KYAT1: variants seen among roughly 807,000 people sequenced by gnomAD.
KYAT1 encodes kynurenine aminotransferase 1.
Under a neutral mutation model 52.4 loss-of-function variants are expected in KYAT1, and 47 were observed. That is an observed-to-expected ratio of 0.90 (90% CI 0.71 to 1.14). KYAT1 has a LOEUF of 1.14. Among genes scored for constraint, KYAT1 ranks in the 50% most tolerant of loss-of-function variants. The probability of loss-of-function intolerance (pLI) is 0.00; values close to 1 mark genes in which losing one functional copy is unlikely to be tolerated. For synonymous variants in KYAT1, 212 were observed against 209.6 expected, an observed-to-expected ratio of 1.01 and a Z score of -0.10; for missense variants, 480 against 557.9, an observed-to-expected ratio of 0.86 and a Z score of 1.41.
intron 1 of KYAT1, 173 bp from the exon 2 acceptor site, chr9:128,845,584 G>GT: frequency 1.6e-6 from 1 of 625,536 alleles, no homozygotes; most frequent in South Asian, 1.8e-5. Context: ...TCCCAAGCCT[G>GT]TTATGCTCCA....
At chr9:128,880,327 G>A (rs565132355) in intron 1 of KYAT1, among the ~76,000 whole-genome samples, 3 of 152,252 alleles carry the variant, frequency 2.0e-5, no homozygotes, top group Non-Finnish European at 4.4e-5. Context: ...GCCCCAAGAC[G>A]GGTGTTGCGT....
intron 1 of KYAT1, among the ~76,000 whole-genome samples, chr9:128,850,467 G>A (rs184374155): frequency 1.3e-5 from 2 of 152,112 alleles, no homozygotes; most frequent in African/African-American, 2.4e-5. Flanking sequence ...TTAACAAAAT[G>A]TTTACAAGCA....
At chr9:128,864,482 T>C (rs74768515) in intron 1 of KYAT1, among the ~76,000 whole-genome samples, 7,304 of 152,144 alleles carry the variant, frequency 0.048, 199 homozygotes, top group African/African-American at 0.077. Context: ...TGTTTTCATC[T>C]TGTAAAACTG....
chr9:128,840,361 C>T (rs1215008310), intron 3 of KYAT1, among the ~76,000 whole-genome samples: 4 of 152,138 alleles, frequency 2.6e-5, no homozygotes, highest in Admixed American at 6.6e-5. Context: ...CGGGTTCAAG[C>T]GATTCTTGTG....
intron 1 of KYAT1, among the ~76,000 whole-genome samples, chr9:128,848,992 G>A (rs535167522): frequency 1.3e-3 from 202 of 151,906 alleles, no homozygotes; most frequent in Non-Finnish European, 1.8e-3. Context: ...GCACATGACT[G>A]TAGTCCCAGC....
chr9:128,835,493 T>C lies in KYAT1; in HGVS notation c.1030A>G (p.Ile344Val). ...AAGTCTCACTCACTGAAGTCTGAGA[T>C]GTCTGTGATGAGGAAGTAGCTGCCC... ...PQGSYFLITD[I>V]SDFKRKMPDL... is the part of the protein sequence containing the mutation. Residue 344 changes from isoleucine (I) to valine (V), a missense_variant, in exon 10 of 13, where the codon ATC (isoleucine) becomes GTC (valine). Transcript: ENST00000302586. The C allele has an allele frequency of 6.2e-7, 1 of 1,613,860 alleles. No homozygotes were observed. Among genetic ancestry groups the C allele is most frequent in the Non-Finnish European group, 8.5e-7 (1 of 1,180,012 alleles).
rs60213620 is a variant in KYAT1, at chr9:128,875,356, G to A, written c.-7+6541C>T. Among the ~76,000 whole-genome samples the A allele has an allele frequency of 3.0e-3, 452 of 150,206 alleles. 3 individuals are homozygous for A. Among genetic ancestry groups the A allele is most frequent in the African/African-American group, 0.01 (426 of 40,812 alleles). ...CTCACTGGCGTGGTGGCTCACGCCT[G>A]TAATCCCAGCACTTTGGGAGGCCGA... On this transcript the variant is annotated intron_variant, in intron 1 of 12. Transcript: ENST00000302586.
chr9:128,847,651 TAACAACAAC>T (rs3834884), intron 1 of KYAT1: 67 of 554,580 alleles, frequency 1.2e-4, no homozygotes, highest in East Asian at 1.2e-3. Flanking sequence ...GCTCTAACAA[TAACAACAAC>T]AACAACAACA....
chr9:128,851,045 A>G (rs202231013), intron 1 of KYAT1, among the ~76,000 whole-genome samples: 1 of 152,208 alleles, frequency 6.6e-6, no homozygotes, highest in Non-Finnish European at 1.5e-5. Flanking sequence ...CTGAGATAAT[A>G]AAAATAATAA....
At chr9:128,876,815 C>T (rs2130847366) in intron 1 of KYAT1, among the ~76,000 whole-genome samples, 1 of 151,738 alleles carries the variant, frequency 6.6e-6, no homozygotes, top group Non-Finnish European at 1.5e-5. Flanking sequence ...CAACCCCCAC[C>T]TGCCGGGTTC....
At chr9:128,866,626 GTCGCCGGGC>G (rs1408323877) in intron 1 of KYAT1, among the ~76,000 whole-genome samples, 1 of 150,168 alleles carries the variant, frequency 6.7e-6, no homozygotes, top group Non-Finnish European at 1.5e-5. Context: ...AAAGAAAATA[GTCGCCGGGC>G]GCAGTGGCTC....
intron 1 of KYAT1, among the ~76,000 whole-genome samples, chr9:128,881,604 C>T (rs1226039024): frequency 2.0e-5 from 3 of 152,050 alleles, no homozygotes; most frequent in East Asian, 1.9e-4. Context: ...CCAATTCCAA[C>T]CCCAGATCTG....
At chr9:128,851,333 C>T (rs1388441268) in intron 1 of KYAT1, among the ~76,000 whole-genome samples, 2 of 152,158 alleles carry the variant, frequency 1.3e-5, no homozygotes, top group Admixed American at 6.5e-5. Context: ...AGTACGTCCA[C>T]GGTCAGCCTT....
At position 128,844,523 on chromosome 9, in the gene KYAT1, AC is replaced by A. The variant is rs1367162437; in HGVS notation, c.53+829del. ...GTGAAATCTCATCTCTACTAAAAAT[AC>A]AAAAAAAAAAAAAAAATTAGCTGGG... On this transcript the variant is annotated intron_variant, in intron 2 of 12. Coordinates refer to ENST00000302586, the MANE Select transcript of KYAT1 (RefSeq NM_004059.5). Among the ~76,000 whole-genome samples the A allele has an allele frequency of 3.5e-3, 523 of 149,662 alleles. 2 individuals are homozygous for A. The highest frequency in any genetic ancestry group is 0.012 in the African/African-American group (500 of 40,840).
At chr9:128,847,370 C>G (rs879386115) in intron 1 of KYAT1, 2 of 1,135,060 alleles carry the variant, frequency 1.8e-6, no homozygotes, top group Non-Finnish European at 2.5e-6. Flanking sequence ...AAGCCAGGAA[C>G]GAGCCAGACC....
intron 1 of KYAT1, among the ~76,000 whole-genome samples, chr9:128,871,661 A>G (rs113783318): frequency 2.4e-3 from 358 of 152,274 alleles, no homozygotes; most frequent in African/African-American, 8.3e-3. Flanking sequence ...GCAGTGAGCC[A>G]TAATCACAGC....
intron 6 of KYAT1, among the ~76,000 whole-genome samples, chr9:128,837,202 G>A (rs966304253): frequency 3.3e-5 from 5 of 152,198 alleles, no homozygotes; most frequent in Non-Finnish European, 7.3e-5. Flanking sequence ...GCTGAGGCAG[G>A]AGAATTGCTT....
intron 1 of KYAT1, among the ~76,000 whole-genome samples, chr9:128,866,274 A>T (rs1158171790): frequency 6.6e-6 from 1 of 152,224 alleles, no homozygotes; most frequent in Non-Finnish European, 1.5e-5. Flanking sequence ...AATAAGAAAA[A>T]GTGTGAAAAA....
chr9:128,855,328 C>A (rs1209317467), intron 1 of KYAT1, among the ~76,000 whole-genome samples: 1 of 152,148 alleles, frequency 6.6e-6, no homozygotes, highest in Non-Finnish European at 1.5e-5. Context: ...TAGAATCACC[C>A]TATCCATGGA....
Sources: gnomAD v4.1 joint callset for allele counts (sites outside exome capture counted in the v4.1 genomes callset) on GRCh38, gnomAD v4.1.1 for gene constraint, MANE v1.5 for transcripts, NCBI Gene and HGNC (gene_info 2026-07-23, HGNC 2026-07-21) for gene names.